Variants in MSMB observed in about 807,000 individuals in gnomAD.
The protein encoded by MSMB is beta-microseminoprotein.
Under a neutral mutation model 10.5 loss-of-function variants are expected in MSMB, and 10 were observed. That is an observed-to-expected ratio of 0.95 (90% CI 0.59 to 1.62). MSMB has a LOEUF of 1.62. Among genes scored for constraint, MSMB ranks in the 40% most tolerant of loss-of-function variants. The pLI, the probability that MSMB is intolerant of heterozygous loss-of-function variation, is 0.00. For synonymous variants in MSMB, 43 were observed against 46.5 expected, an observed-to-expected ratio of 0.93 and a Z score of 0.30; for missense variants, 126 against 137.4, an observed-to-expected ratio of 0.92 and a Z score of 0.42.
intron 3 of MSMB, among the ~76,000 whole-genome samples, chr10:46,037,334 G>A (rs1840632337): frequency 6.6e-6 from 1 of 152,126 alleles, no homozygotes. Context: ...TTTGCGAAAT[G>A]CCCCTTGACA....
In MSMB at chr10:46,033,558, T is replaced by C. The variant is rs782339367; in HGVS notation, c.216-7A>G. On this transcript the variant is annotated splice_region_variant and splice_polypyrimidine_tract_variant and intron_variant, in intron 3 of 3. Coordinates refer to ENST00000582163, the MANE Select transcript of MSMB (RefSeq NM_002443.4). Reference sequence around the variant, plus strand: ...ACCCACAGGTGTAGAAACACTGTCATTGAGACAAAACTGGGGCCTGTTAGA... The same window carrying C: ...ACCCACAGGTGTAGAAACACTGTCACTGAGACAAAACTGGGGCCTGTTAGA... 9 of 1,612,874 alleles carry C rather than the reference T, an allele frequency of 5.6e-6. No individual in the cohort carries two copies. The East Asian group carries it at 6.7e-5, about 12-fold the overall frequency.
chr10:46,041,794 TA>T (rs543118188), intron 1 of MSMB, among the ~76,000 whole-genome samples: 122 of 140,526 alleles, frequency 8.7e-4, no homozygotes, highest in Admixed American at 9.3e-4. Flanking sequence ...ACCCTGTCTT[TA>T]AAAAAAAAAA....
At chr10:46,041,337 TCC>T (rs1840745906) in intron 1 of MSMB, among the ~76,000 whole-genome samples, 4 of 66,734 alleles carry the variant, frequency 6.0e-5, no homozygotes, top group African/African-American at 5.4e-4. Flanking sequence ...AGAGTGAGAC[TCC>T]GTCTCAAAAA....
chr10:46,036,142 G>A (rs1840598110), intron 3 of MSMB, among the ~76,000 whole-genome samples: 3 of 152,058 alleles, frequency 2.0e-5, no homozygotes, highest in Admixed American at 1.3e-4. Context: ...CCTGGGCCCG[G>A]GCAGCGTGGA....
At chr10:46,037,373 G>C (rs995953615) in intron 3 of MSMB, among the ~76,000 whole-genome samples, 2 of 152,180 alleles carry the variant, frequency 1.3e-5, no homozygotes, top group Non-Finnish European at 2.9e-5. Flanking sequence ...ATCCATTCCT[G>C]TTCCTGCAGA....
At chr10:46,035,072 T>C (rs1840571193) in intron 3 of MSMB, among the ~76,000 whole-genome samples, 1 of 152,206 alleles carries the variant, frequency 6.6e-6, no homozygotes, top group Non-Finnish European at 1.5e-5. Context: ...TTCTTTTTTC[T>C]CTTATGCTTC....
chr10:46,044,030 C>G lies in MSMB; in HGVS notation c.3+2205G>C, dbSNP rs531910401. ...GCTTCAGTAGGTCTTTAGACTTACACGGAAGCTCCCAGGTGATGCCCACGC... is the reference window on the plus strand; with the variant it reads ...GCTTCAGTAGGTCTTTAGACTTACAGGGAAGCTCCCAGGTGATGCCCACGC... On this transcript the variant is annotated intron_variant, in intron 1 of 3. Coordinates refer to ENST00000582163, the MANE Select transcript of MSMB (RefSeq NM_002443.4). 1.6e-4 allele frequency among the ~76,000 whole-genome samples: 25 copies of G among 152,214 alleles called. No individual in the cohort carries two copies. The East Asian group carries it at 4.1e-3, about 25-fold the overall frequency.
intron 1 of MSMB, among the ~76,000 whole-genome samples, chr10:46,045,897 G>A (rs1334364706): frequency 2.0e-5 from 3 of 152,124 alleles, no homozygotes; most frequent in East Asian, 1.9e-4. Context: ...TCTCAAAAAC[G>A]ATGCAGTCAT....
At chr10:46,037,071 C>T (rs1031173617) in intron 3 of MSMB, among the ~76,000 whole-genome samples, 8 of 152,236 alleles carry the variant, frequency 5.3e-5, no homozygotes, top group Non-Finnish European at 8.8e-5. Flanking sequence ...CCATTAGGCA[C>T]CTAGCATGAG....
At chr10:46,033,610 C>A in intron 3 of MSMB, 59 bp from the exon 4 acceptor site, 1 of 1,599,820 alleles carries the variant, frequency 6.3e-7, no homozygotes, top group East Asian at 2.3e-5. Context: ...GCACCCCCTC[C>A]CCAGTGCCAG....
intron 3 of MSMB, among the ~76,000 whole-genome samples, chr10:46,036,731 G>C (rs1259093928): frequency 6.6e-6 from 1 of 152,136 alleles, no homozygotes; most frequent in Non-Finnish European, 1.5e-5. Flanking sequence ...GAGCAGCCTG[G>C]CTCGTTTCCA....
In MSMB at chr10:46,040,734, C is replaced by A. The variant is rs192786927; in HGVS notation, c.4-643G>T. Among the ~76,000 whole-genome samples the A allele has an allele frequency of 2.0e-5, 3 of 152,066 alleles. No individual in the cohort carries two copies. In the East Asian group the frequency reaches 5.8e-4, roughly 30 times the overall value. On this transcript the variant is annotated intron_variant, in intron 1 of 3. Coordinates refer to ENST00000582163, the MANE Select transcript of MSMB (RefSeq NM_002443.4). Reference sequence around the variant, plus strand: ...CTCTGGGAGGCCAAGGCGGGTGGATCATGAGGTCAGGAGATCGAGACCATC... The same window carrying A: ...CTCTGGGAGGCCAAGGCGGGTGGATAATGAGGTCAGGAGATCGAGACCATC...
At position 46,046,115 on chromosome 10, in the gene MSMB, G is replaced by T. The variant is rs1590200458; in HGVS notation, c.3+120C>A. ...ATTGAATTGCAGGTAATAACATAAG[G>T]TTCCTAACTAGGTCACATTTACCAT... On this transcript the variant is annotated intron_variant, in intron 1 of 3. Transcript: ENST00000582163. 4.7e-6 allele frequency: 5 copies of T among 1,067,382 alleles called. No homozygotes were observed. The East Asian group carries it at 9.5e-5, about 20-fold the overall frequency. The allele number at this position is 1,067,382 out of a possible 1,614,324, so 66.1% of individuals were successfully genotyped here. A position where few individuals can be genotyped will look rare whatever the true frequency, so the allele number is the denominator to read the frequency against.
chr10:46,035,473 GA>G, intron 3 of MSMB, among the ~76,000 whole-genome samples: 1 of 152,226 alleles, frequency 6.6e-6, no homozygotes, highest in Non-Finnish European at 1.5e-5. Context: ...TATTCTGGCA[GA>G]AACAAGAATG....
In MSMB at chr10:46,046,269, C is replaced by T. The variant is rs879982839; in HGVS notation, c.-32G>A. On this transcript the variant is annotated 5_prime_UTR_variant, in exon 1 of 4. Coordinates refer to ENST00000582163, the MANE Select transcript of MSMB (RefSeq NM_002443.4). The stretch of plus-strand genomic sequence containing the variant: ...AAGCAGGACTCCTTATAGACAGGTA[C>T]ATCCAGGCAAAGCTGCATCAAACTT... The T allele has an allele frequency of 1.2e-6, 2 of 1,610,416 alleles. No individual in the cohort carries two copies. The highest frequency in any genetic ancestry group is 2.2e-5 in the East Asian group (1 of 44,868).
chr10:46,044,209 C>T (rs373375630), intron 1 of MSMB, among the ~76,000 whole-genome samples: 6 of 152,078 alleles, frequency 3.9e-5, no homozygotes, highest in Admixed American at 3.9e-4. Context: ...TACACCACGA[C>T]GCCAGAATGG....
chr10:46,040,590 G>C (rs1490718676), intron 1 of MSMB, among the ~76,000 whole-genome samples: 2 of 152,194 alleles, frequency 1.3e-5, no homozygotes, highest in Non-Finnish European at 2.9e-5. Flanking sequence ...TATAAGCAAA[G>C]TCACTTCGAA....
intron 3 of MSMB, among the ~76,000 whole-genome samples, chr10:46,037,790 G>A (rs1194317601): frequency 6.6e-6 from 1 of 152,120 alleles, no homozygotes; most frequent in Admixed American, 6.5e-5. Flanking sequence ...CTGTCTTCAG[G>A]AGCCCATCTG....
At chr10:46,044,738 G>A (rs1344317574) in intron 1 of MSMB, among the ~76,000 whole-genome samples, 11 of 151,730 alleles carry the variant, frequency 7.2e-5, no homozygotes, top group African/African-American at 2.7e-4. Context: ...GATCACTTGG[G>A]CCCAAGAGTT....
Sources: gnomAD v4.1 joint callset for allele counts (sites outside exome capture counted in the v4.1 genomes callset) on GRCh38, gnomAD v4.1.1 for gene constraint, MANE v1.5 for transcripts, NCBI Gene and HGNC (gene_info 2026-07-23, HGNC 2026-07-21) for gene names.